BOD1L1: variants seen among roughly 807,000 people sequenced by gnomAD.
The protein encoded by BOD1L1 is biorientation of chromosomes in cell division protein 1-like 1.
In BOD1L1, 86 loss-of-function variants were observed where a neutral mutation model predicts 240.7. The ratio of observed to expected loss-of-function variants is 0.36; its 90% CI spans 0.30 to 0.43. BOD1L1 has a LOEUF of 0.43. Among genes scored for constraint, BOD1L1 ranks in the 20% least tolerant of loss-of-function variants. The pLI is 1.00. For missense variants in BOD1L1, 3,554 were observed against 3,643.5 expected (o/e 0.98, Z 0.63); for synonymous variants, 1,268 against 1,272.3 (o/e 1.00, Z 0.07).
chr4:13,627,413 T>C lies in BOD1L1; in HGVS notation c.175A>G (p.Asn59Asp). The change falls in exon 1 of 26, where the codon AAC becomes GAC. Residue 59 changes from asparagine to aspartate, a missense_variant. Physicochemically the swap from Asn to Asp is conservative, Grantham distance 23 (BLOSUM62 1). This residue lies in a region of BOD1L1 where 161 missense variants were observed against 216.4 expected (regional missense o/e 0.74). Coordinates refer to ENST00000040738, the MANE Select transcript of BOD1L1 (RefSeq NM_148894.3). ...GDPQLVAMIVNHLKSQGLFDQ... is the reference protein window; with the variant it reads ...GDPQLVAMIVDHLKSQGLFDQ... ...AAGAGCCCCTGGCTCTTGAGGTGGT[T>C]CACGATCATGGCCACGAGCTGCGGG... is the stretch of plus-strand genomic sequence containing the variant. 7.2e-7 allele frequency: 1 copy of C among 1,390,808 alleles called. No homozygotes were observed. Among genetic ancestry groups the C allele is most frequent in the Non-Finnish European group, 9.4e-7 (1 of 1,058,410 alleles). The allele number at this position is 1,390,808 out of a possible 1,614,324, so 86.2% of individuals were successfully genotyped here.
Position 13,604,450 on chromosome 4 carries a change from T to A in BOD1L1, c.2450A>T (p.Asp817Val), listed in dbSNP as rs1715507226. The change falls in exon 10 of 26, where the codon GAT becomes GTT. Residue 817 changes from aspartate (D) to valine (V), a missense_variant. Physicochemically the swap from Asp to Val is radical, Grantham distance 152 (BLOSUM62 -3). Transcript: ENST00000040738. The stretch of plus-strand genomic sequence containing the variant: ...GTTGTTTTCTTTACGAACATTCTCA[T>A]CTGTTTTTATAATATATTCAGAAAC... ...KPVSEYIIKT[D>V]ENVRKENNKK... 6.4e-7 allele frequency: 1 copy of A among 1,558,720 alleles called. No individual in the cohort carries two copies. Among genetic ancestry groups the A allele is most frequent in the Non-Finnish European group, 8.6e-7 (1 of 1,162,740 alleles).
rs576050347 is a variant in BOD1L1 at position 13,619,985 on chromosome 4, T to C, written c.326A>G (p.Asn109Ser). ...AATGTTGTTTCTTAGCTGGTTCTTA[T>C]TGAGATGCGGACTCCATGTGTGAGT... ...LATHTWSPHL[N>S]KNQLRNNIRQ... is the part of the protein sequence containing the mutation. The change falls in exon 2 of 26, where the codon AAT (asparagine) becomes AGT (serine). Residue 109 changes from asparagine to serine, a missense_variant. Asn to Ser is a conservative substitution (Grantham distance 46). This residue lies in a region of BOD1L1 where 161 missense variants were observed against 216.4 expected (regional missense o/e 0.74). Coordinates refer to ENST00000040738, the MANE Select transcript of BOD1L1 (RefSeq NM_148894.3). The C allele has an allele frequency of 6.8e-6, 11 of 1,613,014 alleles. No homozygotes were observed. The South Asian group carries it at 7.7e-5, about 11-fold the overall frequency.
chr4:13,599,258 C>T lies in BOD1L1; in HGVS notation c.7642G>A (p.Glu2548Lys), dbSNP rs1375258777. 1 of 1,613,652 alleles carries T rather than the reference C, an allele frequency of 6.2e-7. No individual in the cohort carries two copies. The highest frequency in any genetic ancestry group is 1.1e-5 in the South Asian group (1 of 91,062). ...TGCTCAGCAGGAAGAAAGGAATGCT[C>T]AGCCACGGTCCCTTGAACAGGTGGC... ...DMPPVQGTVA[E>K]HSFLPAEQQG... is the part of the protein sequence containing the mutation. The change falls in exon 10 of 26, where the codon GAG (glutamate) becomes AAG (lysine). Residue 2548 changes from glutamate (E) to lysine (K), a missense_variant. Glu to Lys is a moderately conservative substitution (Grantham distance 56). Around this residue, in one of 2 missense-constraint regions of BOD1L1, gnomAD observed 3,393 missense variants for 3,427.1 expected, o/e 0.99. Coordinates refer to ENST00000040738, the MANE Select transcript of BOD1L1 (RefSeq NM_148894.3).
intron 25 of BOD1L1, among the ~76,000 whole-genome samples, chr4:13,575,021 G>A (rs34516359): frequency 0.12 from 18,499 of 151,628 alleles, 1,456 homozygotes; most frequent in Middle Eastern, 0.22. Context: ...CCGAGTTCAA[G>A]CGATTCTCCT....
Position 13,614,183 on chromosome 4 carries a change from A to G in BOD1L1, c.1174+13T>C, listed in dbSNP as rs370931075. On this transcript the variant is annotated intron_variant, in intron 4 of 25. Coordinates refer to ENST00000040738, the MANE Select transcript of BOD1L1 (RefSeq NM_148894.3). ...TCTTTAAACTTTGTAGATGTTTGCA[A>G]GTTTTTATATACCTTCTTTTGTCCC... 32 of 1,476,026 alleles carry G rather than the reference A, an allele frequency of 2.2e-5. No homozygotes were observed. The African/African-American group carries it at 4.6e-4, about 21-fold the overall frequency. 91.4% of individuals were successfully genotyped at this position (1,476,026 alleles called of 1,614,324 possible).
At chr4:13,575,895 C>CTTTT (rs35101769) in intron 25 of BOD1L1, among the ~76,000 whole-genome samples, 16 of 119,258 alleles carry the variant, frequency 1.3e-4, no homozygotes, top group Non-Finnish European at 1.8e-4. Context: ...TTGCCAAACC[C>CTTTT]TTTTTTTTTT....
At chr4:13,574,196 G>A (rs181800797) in intron 25 of BOD1L1, among the ~76,000 whole-genome samples, 5 of 152,270 alleles carry the variant, frequency 3.3e-5, no homozygotes, top group African/African-American at 1.2e-4. Context: ...GGAGGATGTG[G>A]CTTTCCCTGC....
intron 6 of BOD1L1, 114 bp from the exon 7 acceptor site, chr4:13,609,520 G>T: frequency 1.6e-6 from 1 of 639,426 alleles, no homozygotes. Flanking sequence ...AAATTAACGG[G>T]CTCTGAAAAA....
chr4:13,591,600 T>G (rs1235260631), intron 13 of BOD1L1, among the ~76,000 whole-genome samples: 3 of 152,202 alleles, frequency 2.0e-5, no homozygotes, highest in Non-Finnish European at 2.9e-5. Flanking sequence ...AAGTGAAATT[T>G]AATTCTCAAA....
intron 17 of BOD1L1, among the ~76,000 whole-genome samples, chr4:13,584,439 A>AGTGTGTGT (rs1380460484): frequency 5.9e-5 from 7 of 118,300 alleles, no homozygotes; most frequent in African/African-American, 2.2e-4. Context: ...AAAGAGAGAG[A>AGTGTGTGT]GAGTGTGTGT....
intron 5 of BOD1L1, among the ~76,000 whole-genome samples, chr4:13,612,770 G>C (rs1716272155): frequency 6.6e-6 from 1 of 152,134 alleles, no homozygotes; most frequent in Non-Finnish European, 1.5e-5. Flanking sequence ...TGTGATTTAG[G>C]GTCGGAGTGT....
At chr4:13,611,311 G>A (rs1241129505) in intron 5 of BOD1L1, among the ~76,000 whole-genome samples, 1 of 152,134 alleles carries the variant, frequency 6.6e-6, no homozygotes, top group East Asian at 1.9e-4. Context: ...AGAAAAATTA[G>A]ACATTATAGT....
At chr4:13,586,347 G>A in intron 17 of BOD1L1, 49 bp downstream of exon 17, 2 of 1,158,884 alleles carry the variant, frequency 1.7e-6, no homozygotes, top group Non-Finnish European at 2.6e-6. Context: ...CTGTAATTAG[G>A]CCTCCCTACC....
chr4:13,584,449 T>A (rs1026153409), intron 17 of BOD1L1, among the ~76,000 whole-genome samples: 27 of 139,274 alleles, frequency 1.9e-4, no homozygotes, highest in South Asian at 6.4e-4. Flanking sequence ...AGAGTGTGTG[T>A]GTGTGTGTGT....
intron 1 of BOD1L1, among the ~76,000 whole-genome samples, chr4:13,620,431 G>A (rs10939495): frequency 0.55 from 83,696 of 152,064 alleles, 26,907 homozygotes; most frequent in East Asian, 0.96. Flanking sequence ...AGCTGGGAAT[G>A]AGAATGGCTG....
chr4:13,604,954 T>G lies in BOD1L1; in HGVS notation c.1946A>C (p.Lys649Thr), dbSNP rs1351207120. ...HVVDENKNES[K>T]LEREHKRRTS... ...CCGTCTTTTATGTTCTCTTTCTAAT[T>G]TGGATTCATTTTTGTTTTCGTCAAC... The change falls in exon 10 of 26, where the codon AAA becomes ACA. Residue 649 changes from lysine to threonine, a missense_variant. Physicochemically the swap from Lys to Thr is moderately conservative, Grantham distance 78. Around this residue, in one of 2 missense-constraint regions of BOD1L1, gnomAD observed 3,393 missense variants for 3,427.1 expected, o/e 0.99. Coordinates refer to ENST00000040738, the MANE Select transcript of BOD1L1 (RefSeq NM_148894.3). The G allele has an allele frequency of 6.2e-7, 1 of 1,613,596 alleles. No individual in the cohort carries two copies. The highest frequency in any genetic ancestry group is 8.5e-7 in the Non-Finnish European group (1 of 1,179,796).
At chr4:13,582,607 G>T in intron 18 of BOD1L1, 45 bp downstream of exon 18, 3 of 1,421,778 alleles carry the variant, frequency 2.1e-6, no homozygotes, top group Non-Finnish European at 3.0e-6. Context: ...CACGCTGGCT[G>T]CTTTGAAGGC....
intron 12 of BOD1L1, chr4:13,593,324 C>T (rs1319299960): frequency 6.6e-6 from 1 of 151,876 alleles, no homozygotes; most frequent in Non-Finnish European, 1.5e-5. Context: ...CAGTAGAAAC[C>T]CCGAGGCCAT....
intron 12 of BOD1L1, chr4:13,593,646 T>TA (rs1714395663): frequency 6.6e-6 from 1 of 152,182 alleles, no homozygotes. Context: ...CACAGTCAAG[T>TA]ACGTATCTTT....
Sources: gnomAD v4.1 joint callset for allele counts (sites outside exome capture counted in the v4.1 genomes callset) on GRCh38, gnomAD v4.1.1 for gene constraint, gnomAD v4.1.1 regional missense constraint, MANE v1.5 for transcripts, NCBI Gene and HGNC (gene_info 2026-07-23, HGNC 2026-07-21) for gene names.